The following SLC6A14 variants were observed in gnomAD, a reference collection of about 807,000 sequenced individuals.
SLC6A14 encodes solute carrier family 6 member 14, also known as sodium- and chloride-dependent neutral and basic amino acid transporter B(0+).
A neutral mutation model predicts 51.4 loss-of-function variants in SLC6A14; 21 were observed. The ratio of observed to expected loss-of-function variants is 0.41; its 90% confidence interval spans 0.29 to 0.59. The LOEUF (loss-of-function observed/expected upper bound fraction) is 0.59, where lower values mean the gene tolerates loss of function less well. Ranked by LOEUF, SLC6A14 falls within the 20% of genes least tolerant of loss-of-function variation. The pLI is 0.31. For synonymous variants in SLC6A14, 177 were observed against 160.7 expected, an observed-to-expected ratio of 1.10 and a Z score of -0.77; for missense variants, 371 against 472.8, an observed-to-expected ratio of 0.78 and a Z score of 2.00.
At chrX:116,448,823 T>A (rs1331982054) in intron 7 of SLC6A14, among the ~76,000 whole-genome samples, 25 of 111,834 alleles carry the variant, frequency 2.2e-4, no homozygotes, top group African/African-American at 6.8e-4. Flanking sequence ...TTTCAGTGAC[T>A]CTAACATCTT....
chrX:116,437,943 A>G lies in SLC6A14; in HGVS notation c.202A>G (p.Ser68Gly). ...GTGGAGATTTCCATATCTGACCTACAGCAATGGTGGAGGTATTCTATTTCA... is the reference window on the plus strand; with the variant it reads ...GTGGAGATTTCCATATCTGACCTACGGCAATGGTGGAGGTATTCTATTTCA... Reference protein sequence around the residue: ...NVWRFPYLTYSNGGGAFLIPY... With the variant: ...NVWRFPYLTYGNGGGAFLIPY... Residue 68 changes from serine to glycine, a missense_variant, in exon 2 of 14, where the codon AGC becomes GGC. By Grantham distance (56) the Ser-to-Gly change is moderately conservative (BLOSUM62 0). This residue lies in a region of SLC6A14 where 277 missense variants were observed against 391.8 expected (regional missense o/e 0.71). Transcript: ENST00000598581. 8.3e-7 allele frequency: 1 copy of G among 1,205,602 alleles called. No individual in the cohort carries two copies. The highest frequency in any genetic ancestry group is 1.1e-6 in the Non-Finnish European group (1 of 891,660).
At chrX:116,446,975 A>G in intron 7 of SLC6A14, 94 bp downstream of exon 7, 1 of 729,137 alleles carries the variant, frequency 1.4e-6, no homozygotes, top group Non-Finnish European at 2.0e-6. Flanking sequence ...TCATAATGTA[A>G]TAGCTTGCAA....
chrX:116,446,777 C>G lies in SLC6A14; in HGVS notation c.826C>G (p.Leu276Val). 8.3e-7 allele frequency: 1 copy of G among 1,203,779 alleles called. No homozygotes were observed. The highest frequency in any genetic ancestry group is 1.1e-6 in the Non-Finnish European group (1 of 888,795). Reference protein sequence around the residue: ...YFTALFPYVVLLILLVRGATL... With the variant: ...YFTALFPYVVVLILLVRGATL... ...TACAGCTCTTTTCCCCTATGTGGTCCTACTCATCCTGTTAGTACGAGGTGC... is the reference window on the plus strand; with the variant it reads ...TACAGCTCTTTTCCCCTATGTGGTCGTACTCATCCTGTTAGTACGAGGTGC... The change falls in exon 7 of 14, where the codon CTA (leucine) becomes GTA (valine). Residue 276 changes from leucine (L) to valine (V), a missense_variant. Physicochemically the swap from Leu to Val is conservative, Grantham distance 32. Around this residue, in one of 2 missense-constraint regions of SLC6A14, gnomAD observed 277 missense variants for 391.8 expected, o/e 0.71. Coordinates refer to ENST00000598581, the MANE Select transcript of SLC6A14 (RefSeq NM_007231.5).
At chrX:116,441,380 T>G (rs1255727778) in intron 3 of SLC6A14, among the ~76,000 whole-genome samples, 1 of 112,353 alleles carries the variant, frequency 8.9e-6, no homozygotes, top group Non-Finnish European at 1.9e-5. Context: ...ATTTTCCTAT[T>G]TTCACCCTGT....
rs374885310 is a variant in SLC6A14, at chrX:116,458,953, T to C, written c.1927T>C (p.Ter643ArgextTer8). The C allele has an allele frequency of 8.4e-7, 1 of 1,189,210 alleles. No individual in the cohort carries two copies. The highest frequency in any genetic ancestry group is 1.1e-6 in the Non-Finnish European group (1 of 885,146). The change falls in exon 14 of 14, where the codon TGA becomes CGA. Residue 643 changes from the stop codon to arginine, a stop_lost. Transcript: ENST00000598581. Reference protein sequence around the residue: ...PTVSGSRKPE* With the variant: ...PTVSGSRKPER ...TGTTAGTGGCAGCAGAAAACCGGAA[T>C]GAGATCTCATTGAAAAAAATATATG...
At chrX:116,441,834 G>A in intron 3 of SLC6A14, among the ~76,000 whole-genome samples, 1 of 111,664 alleles carries the variant, frequency 9.0e-6, no homozygotes, top group Non-Finnish European at 1.9e-5. Flanking sequence ...TTTAAATTCA[G>A]ATTGTTACTG....
At chrX:116,457,800 A>T in intron 13 of SLC6A14, 24 bp downstream of exon 13, 1 of 1,076,960 alleles carries the variant, frequency 9.3e-7, no homozygotes, top group Non-Finnish European at 1.3e-6. Context: ...AATTGTTTAT[A>T]CTTTACACAA....
chrX:116,440,966 G>T lies in SLC6A14; in HGVS notation c.215G>T (p.Gly72Val). The change falls in exon 3 of 14, where the codon GGC becomes GTC. Residue 72 changes from glycine to valine, a missense_variant and splice_region_variant. By Grantham distance (109) the Gly-to-Val change is moderately radical (BLOSUM62 -3). This residue lies in a region of SLC6A14 where 277 missense variants were observed against 391.8 expected (regional missense o/e 0.71). Transcript: ENST00000598581. Reference sequence around the variant, plus strand: ...TTTGGTTCTTTCTCACCTTTTTTAGGCGCCTTCTTGATACCTTATGCAATT... The same window carrying T: ...TTTGGTTCTTTCTCACCTTTTTTAGTCGCCTTCTTGATACCTTATGCAATT... ...FPYLTYSNGG[G>V]AFLIPYAIML... is the part of the protein sequence containing the mutation. 1 of 1,207,689 alleles carries T rather than the reference G, an allele frequency of 8.3e-7. No individual in the cohort carries two copies. Among genetic ancestry groups the T allele is most frequent in the Non-Finnish European group, 1.1e-6 (1 of 893,755 alleles).
chrX:116,449,321 A>C (rs1315958875), intron 7 of SLC6A14, among the ~76,000 whole-genome samples: 1 of 111,647 alleles, frequency 9.0e-6, no homozygotes, highest in African/African-American at 3.3e-5. Flanking sequence ...TTTTGTTTGC[A>C]ACCTAGCTAC....
At position 116,440,958 on chromosome X, in the gene SLC6A14, T is replaced by G; in HGVS notation, c.215-8T>G. On this transcript the variant is annotated splice_region_variant and splice_polypyrimidine_tract_variant and intron_variant, in intron 2 of 13. Transcript: ENST00000598581. ...AATAGTGCTTTGGTTCTTTCTCACC[T>G]TTTTTAGGCGCCTTCTTGATACCTT... is the stretch of plus-strand genomic sequence containing the variant. 8.3e-7 allele frequency: 1 copy of G among 1,204,787 alleles called. No individual in the cohort carries two copies. Among genetic ancestry groups the G allele is most frequent in the African/African-American group, 1.7e-5 (1 of 57,590 alleles).
chrX:116,440,578 C>T (rs1323956608), intron 2 of SLC6A14, among the ~76,000 whole-genome samples: 2 of 111,803 alleles, frequency 1.8e-5, no homozygotes, highest in Non-Finnish European at 3.8e-5. Flanking sequence ...TTGTTCTCCC[C>T]TTTTATAAGG....
chrX:116,445,758 G>GA (rs1469980693), intron 6 of SLC6A14, among the ~76,000 whole-genome samples: 3 of 111,166 alleles, frequency 2.7e-5, no homozygotes, highest in Non-Finnish European at 5.7e-5. Context: ...ACAATACCCA[G>GA]AAAAAATGTC....
chrX:116,443,771 C>T lies in SLC6A14; in HGVS notation c.637C>T (p.Pro213Ser). The stretch of plus-strand genomic sequence containing the variant: ...TGAAATTTATCAGCCAGGGCAGCTT[C>T]CCAGTGAACAATATTGGAAGTAAGT... ...GSEIYQPGQL[P>S]SEQYWNKVAL... The change falls in exon 5 of 14, where the codon CCC becomes TCC. Residue 213 changes from proline (P) to serine (S), a missense_variant. Physicochemically the swap from Pro to Ser is moderately conservative, Grantham distance 74. This residue lies in a region of SLC6A14 where 277 missense variants were observed against 391.8 expected (regional missense o/e 0.71). Transcript: ENST00000598581. 1 of 1,202,278 alleles carries T rather than the reference C, an allele frequency of 8.3e-7. No homozygotes were observed. The highest frequency in any genetic ancestry group is 1.1e-6 in the Non-Finnish European group (1 of 890,724).
chrX:116,443,989 A>G (rs1927654554), intron 5 of SLC6A14, among the ~76,000 whole-genome samples, 199 bp downstream of exon 5: 1 of 111,961 alleles, frequency 8.9e-6, no homozygotes, highest in Non-Finnish European at 1.9e-5. Flanking sequence ...ATAGTCAGCA[A>G]TGTGTCTTTT....
chrX:116,444,699 T>C (rs1324900027), intron 5 of SLC6A14, among the ~76,000 whole-genome samples: 1 of 111,429 alleles, frequency 9.0e-6, no homozygotes, highest in African/African-American at 3.3e-5. Context: ...AAACTTTGGA[T>C]TGGCTGTGGT....
Position 116,437,968 on chromosome X carries a change from A to ACGGGGGGGGGGGC in SLC6A14, c.214+14_214+15insGGGGGGGGGGGCC. On this transcript the variant is annotated intron_variant, in intron 2 of 13. Transcript: ENST00000598581. ...AGCAATGGTGGAGGTATTCTATTTC[A>ACGGGGGGGGGGGC]CCCCCACCCTCCCACCCCCGCTTTT... is the stretch of plus-strand genomic sequence containing the variant. 2 of 1,122,143 alleles carry ACGGGGGGGGGGGC rather than the reference A, an allele frequency of 1.8e-6. No individual in the cohort carries two copies. Among genetic ancestry groups the ACGGGGGGGGGGGC allele is most frequent in the Non-Finnish European group, 2.4e-6 (2 of 840,372 alleles). 92.5% of individuals were successfully genotyped at this position (1,122,143 alleles called of 1,213,427 possible).
intron 4 of SLC6A14, 34 bp downstream of exon 4, chrX:116,442,882 T>C: frequency 3.8e-6 from 4 of 1,045,148 alleles, no homozygotes; most frequent in South Asian, 2.2e-5. Context: ...AGTTCTTTTA[T>C]ATATATTTTT....
At chrX:116,453,680 T>A (rs1385785605) in intron 9 of SLC6A14, among the ~76,000 whole-genome samples, 2 of 111,149 alleles carry the variant, frequency 1.8e-5, no homozygotes, top group Non-Finnish European at 3.8e-5. Context: ...TACAATTTTT[T>A]AAAAATTACA....
chrX:116,440,300 G>A (rs942324795), intron 2 of SLC6A14, among the ~76,000 whole-genome samples: 5 of 112,217 alleles, frequency 4.5e-5, no homozygotes, highest in Non-Finnish European at 7.5e-5. Flanking sequence ...TTTCTCAAAA[G>A]TTCAGAGTCT....
Sources: gnomAD v4.1 joint callset for allele counts (sites outside exome capture counted in the v4.1 genomes callset) on GRCh38, gnomAD v4.1.1 for gene constraint, gnomAD v4.1.1 regional missense constraint, MANE v1.5 for transcripts, NCBI Gene and HGNC (gene_info 2026-07-23, HGNC 2026-07-21) for gene names.